The following SH3KBP1 variants were observed in gnomAD, a reference collection of about 807,000 sequenced individuals.
SH3KBP1 encodes the protein SH3 domain containing kinase binding protein 1, also known as SH3 domain-containing kinase-binding protein 1.
SH3KBP1 carries 8 observed loss-of-function variants against 50.1 expected under a neutral mutation model. The observed-to-expected ratio is 0.16, with a 90% CI of 0.09 to 0.29. SH3KBP1 has a LOEUF of 0.29. SH3KBP1 is among the 10% of genes least tolerant of loss of function. The pLI is 1.00. For missense variants in SH3KBP1, 377 were observed against 535.2 expected, an observed-to-expected ratio of 0.70 and a Z score of 2.92; for synonymous variants, 227 against 218.6, an observed-to-expected ratio of 1.04 and a Z score of -0.34.
Position 19,535,761 on chromosome X carries a change from G to A in SH3KBP1, c.*656C>T, listed in dbSNP as rs1031105713. On this transcript the variant is annotated 3_prime_UTR_variant, in exon 18 of 18. Transcript: ENST00000397821. ...CATCACAAAAGCTCCAATCAAGAGG[G>A]TGGTAAAAAGAAGGCACAGATCATT... 9.0e-6 allele frequency: 1 copy of A among 111,361 alleles called. No individual in the cohort carries two copies. The highest frequency in any genetic ancestry group is 3.3e-5 in the African/African-American group (1 of 30,497). 9.2% of individuals were successfully genotyped at this position (111,361 alleles called of 1,213,427 possible). A position where few individuals can be genotyped will look rare whatever the true frequency, so the allele number is the denominator to read the frequency against.
chrX:19,784,737 G>A (rs2147135785), intron 2 of SH3KBP1, among the ~76,000 whole-genome samples: 1 of 111,046 alleles, frequency 9.0e-6, no homozygotes, highest in African/African-American at 3.3e-5. Flanking sequence ...AGCCTCCCAA[G>A]TAGCTGGGAT....
chrX:19,707,057 G>T (rs1369262545), intron 3 of SH3KBP1, 73 bp from the exon 4 acceptor site: 3 of 881,357 alleles, frequency 3.4e-6, no homozygotes, highest in African/African-American at 3.9e-5. Flanking sequence ...GGCTTCCTAG[G>T]CATGCAGGCA....
intron 2 of SH3KBP1, among the ~76,000 whole-genome samples, chrX:19,832,495 G>C (rs778200779): frequency 2.7e-5 from 3 of 111,478 alleles, no homozygotes; most frequent in African/African-American, 9.8e-5. Context: ...TGGTAGCCAG[G>C]GACTCGAAAC....
chrX:19,643,966 C>T (rs2061931111), intron 7 of SH3KBP1, among the ~76,000 whole-genome samples: 1 of 111,966 alleles, frequency 8.9e-6, no homozygotes, highest in Admixed American at 9.5e-5. Flanking sequence ...TTCCTATAAA[C>T]CCACTCTTTT....
chrX:19,577,765 C>T (rs752764490), intron 12 of SH3KBP1, among the ~76,000 whole-genome samples: 1 of 110,771 alleles, frequency 9.0e-6, no homozygotes, highest in African/African-American at 3.3e-5. Flanking sequence ...AAAGAACCCA[C>T]AAACCTTTTG....
At chrX:19,722,663 A>C (rs1272421793) in intron 3 of SH3KBP1, among the ~76,000 whole-genome samples, 1 of 104,954 alleles carries the variant, frequency 9.5e-6, no homozygotes, top group East Asian at 3.0e-4. Flanking sequence ...ATTCCATAGA[A>C]GGAGGGAAGT....
chrX:19,541,635 C>G (rs905444155), intron 16 of SH3KBP1, among the ~76,000 whole-genome samples: 1 of 112,662 alleles, frequency 8.9e-6, no homozygotes, highest in Admixed American at 9.4e-5. Flanking sequence ...TGCTTTTCTT[C>G]TTAGCAGCCT....
At chrX:19,608,306 C>CTT (rs57794070) in intron 8 of SH3KBP1, among the ~76,000 whole-genome samples, 1,873 of 87,211 alleles carry the variant, frequency 0.021, 91 homozygotes, top group African/African-American at 0.075. Flanking sequence ...TTCTTTCTTT[C>CTT]TTTTTTTTTT....
intron 6 of SH3KBP1, among the ~76,000 whole-genome samples, chrX:19,668,975 T>TATATATATATA (rs1569405153): frequency 3.9e-4 from 26 of 66,589 alleles, no homozygotes; most frequent in Non-Finnish European, 6.2e-4. Context: ...TATATATATA[T>TATATATATATA]TTTTTGAGAC....
At chrX:19,583,228 G>A (rs1312542481) in intron 12 of SH3KBP1, among the ~76,000 whole-genome samples, 2 of 107,168 alleles carry the variant, frequency 1.9e-5, no homozygotes, top group Non-Finnish European at 3.9e-5. Flanking sequence ...ATCTTGGCTC[G>A]CTGCAACCTC....
At chrX:19,713,140 T>C (rs1222842260) in intron 3 of SH3KBP1, among the ~76,000 whole-genome samples, 1 of 110,665 alleles carries the variant, frequency 9.0e-6, no homozygotes, top group Non-Finnish European at 1.9e-5. Context: ...GGAGAAACAC[T>C]TGAACCCAGG....
chrX:19,691,325 GCT>G (rs747033807), intron 5 of SH3KBP1, among the ~76,000 whole-genome samples: 4,865 of 84,185 alleles, frequency 0.058, 311 homozygotes, highest in African/African-American at 0.17. Context: ...AATCTCTGTC[GCT>G]CTCTCTCTCT....
chrX:19,703,696 CTGTGTGTGTGTGTGTGTGTG>C (rs56915755), intron 4 of SH3KBP1, among the ~76,000 whole-genome samples: 121 of 63,497 alleles, frequency 1.9e-3, no homozygotes, highest in East Asian at 7.9e-3. Flanking sequence ...AAAAGAGAAA[CTGTGTGTGTGTGTGTGTGTG>C]TGTGTGTGTG....
intron 3 of SH3KBP1, among the ~76,000 whole-genome samples, chrX:19,733,940 G>T (rs1603145438): frequency 8.9e-6 from 1 of 112,102 alleles, no homozygotes; most frequent in East Asian, 2.8e-4. Flanking sequence ...CTTTCAGGAA[G>T]TCAATTTGAT....
At chrX:19,622,934 T>C (rs1171563861) in intron 8 of SH3KBP1, among the ~76,000 whole-genome samples, 2 of 106,139 alleles carry the variant, frequency 1.9e-5, no homozygotes, top group Non-Finnish European at 3.8e-5. Flanking sequence ...TCCCAGCTCA[T>C]CAGTAGGCTG....
intron 5 of SH3KBP1, among the ~76,000 whole-genome samples, chrX:19,690,474 A>G (rs972521756): frequency 5.3e-5 from 6 of 112,264 alleles, no homozygotes; most frequent in African/African-American, 1.6e-4. Context: ...CATGGTTATT[A>G]ATGGTTACAG....
intron 6 of SH3KBP1, among the ~76,000 whole-genome samples, chrX:19,674,127 T>G (rs1482782608): frequency 1.8e-5 from 2 of 111,626 alleles, no homozygotes; most frequent in African/African-American, 6.5e-5. Context: ...CATACCCCCT[T>G]TCTCTCCAAT....
At chrX:19,879,640 A>C (rs1296553336) in intron 1 of SH3KBP1, among the ~76,000 whole-genome samples, 1 of 112,710 alleles carries the variant, frequency 8.9e-6, no homozygotes, top group Non-Finnish European at 1.9e-5. Context: ...TCCCCAGCTT[A>C]ACTACCTAGG....
At chrX:19,845,859 T>C (rs1421292264) in intron 1 of SH3KBP1, among the ~76,000 whole-genome samples, 2 of 110,673 alleles carry the variant, frequency 1.8e-5, no homozygotes, top group Non-Finnish European at 3.8e-5. Flanking sequence ...ATCCACCCAC[T>C]TCAGCCTCCT....
Sources: gnomAD v4.1 joint callset for allele counts (sites outside exome capture counted in the v4.1 genomes callset) on GRCh38, gnomAD v4.1.1 for gene constraint, MANE v1.5 for transcripts, NCBI Gene and HGNC (gene_info 2026-07-23, HGNC 2026-07-21) for gene names.